The following PDE4D variants were observed in gnomAD, a reference collection of about 807,000 sequenced individuals.
The protein encoded by PDE4D is 3',5'-cyclic-AMP phosphodiesterase 4D.
In PDE4D, 24 loss-of-function variants were observed where a neutral mutation model predicts 87.4. That is an observed-to-expected ratio of 0.27 (90% confidence interval 0.20 to 0.39). The LOEUF (loss-of-function observed/expected upper bound fraction) is 0.39, where lower values mean the gene tolerates loss of function less well. Among genes scored for constraint, PDE4D ranks in the 10% least tolerant of loss-of-function variants. PDE4D has a pLI of 1.00. For missense variants in PDE4D, 714 were observed against 1,041.0 expected, an observed-to-expected ratio of 0.69 and a Z score of 4.32; for synonymous variants, 384 against 383.2, an observed-to-expected ratio of 1.00 and a Z score of -0.02.
At chr5:60,314,858 T>G (rs561414317) in intron 1 of PDE4D, among the ~76,000 whole-genome samples, 1 of 152,338 alleles carries the variant, frequency 6.6e-6, no homozygotes, top group African/African-American at 2.4e-5. Context: ...GGTGTATATG[T>G]GCCACATTTT....
chr5:59,029,428 A>AC (rs1005091816), intron 6 of PDE4D, among the ~76,000 whole-genome samples: 1 of 151,198 alleles, frequency 6.6e-6, no homozygotes, highest in Non-Finnish European at 1.5e-5. Context: ...AAAAAAAAAA[A>AC]AAAAAAAAAC....
At chr5:59,010,582 A>G (rs1359797218) in intron 6 of PDE4D, among the ~76,000 whole-genome samples, 2 of 152,080 alleles carry the variant, frequency 1.3e-5, no homozygotes, top group African/African-American at 4.8e-5. Flanking sequence ...GTCAGTCATC[A>G]TCGAATAGCG....
chr5:58,969,382 C>T lies in PDE4D; in HGVS notation c.*5282G>A, dbSNP rs1369645862. On this transcript the variant is annotated 3_prime_UTR_variant, in exon 15 of 15. Coordinates refer to ENST00000340635, the MANE Select transcript of PDE4D (RefSeq NM_001104631.2). ...TGCGGCTCCAGGCCCTGCCTACTCT[C>T]TCACTTTTCCTCAGTTTCTCCAGAT... 4 of 152,260 alleles carry T rather than the reference C, an allele frequency of 2.6e-5. No individual in the cohort carries two copies. The highest frequency in any genetic ancestry group is 9.6e-5 in the African/African-American group (4 of 41,458). 9.4% of individuals were successfully genotyped at this position (152,260 alleles called of 1,614,324 possible).
At chr5:59,508,667 AT>A (rs1293906617) in intron 1 of PDE4D, among the ~76,000 whole-genome samples, 14 of 152,228 alleles carry the variant, frequency 9.2e-5, no homozygotes, top group African/African-American at 2.9e-4. Context: ...ATAAAAAAAA[AT>A]ATTTAAGCTG....
intron 1 of PDE4D, among the ~76,000 whole-genome samples, chr5:59,559,682 T>C (rs959115455): frequency 2.0e-5 from 3 of 152,092 alleles, no homozygotes; most frequent in African/African-American, 4.8e-5. Flanking sequence ...TTTGATAAAA[T>C]ACACTTTAAA....
chr5:59,765,661 C>G (rs963511547), intron 1 of PDE4D, among the ~76,000 whole-genome samples: 1 of 152,152 alleles, frequency 6.6e-6, no homozygotes, highest in African/African-American at 2.4e-5. Context: ...GCCTGGCAAC[C>G]TTGGGAATCA....
At chr5:59,743,959 A>G (rs1234342308) in intron 1 of PDE4D, among the ~76,000 whole-genome samples, 4 of 152,156 alleles carry the variant, frequency 2.6e-5, no homozygotes. Context: ...AGACAGATCG[A>G]TAGATAGATA....
chr5:60,426,213 C>T (rs914040265), intron 1 of PDE4D, among the ~76,000 whole-genome samples: 3 of 152,158 alleles, frequency 2.0e-5, no homozygotes, highest in Non-Finnish European at 2.9e-5. Flanking sequence ...AATCATTCTA[C>T]TATAAAGACA....
intron 6 of PDE4D, among the ~76,000 whole-genome samples, chr5:59,028,621 C>T (rs1756670694): frequency 6.6e-6 from 1 of 151,910 alleles, no homozygotes; most frequent in African/African-American, 2.4e-5. Context: ...GAATCCAATT[C>T]AGGCAGGCTG....
At position 60,020,453 on chromosome 5, in the gene PDE4D, A is replaced by T. The variant is rs1765934382; in HGVS notation, c.43-31736T>A. ...ATATCTGTCAAGCACCATAAAGCAA[A>T]ACACAATAAAATGAGGCATGCCTCA... On this transcript the variant is annotated intron_variant, in intron 2 of 16. Transcript: ENST00000502484. Among the ~76,000 whole-genome samples, 9 of 152,310 alleles carry T rather than the reference A, an allele frequency of 5.9e-5. No homozygotes were observed. In the South Asian group the frequency reaches 1.9e-3, roughly 32 times the overall value.
chr5:59,813,865 G>A (rs1396075432), intron 1 of PDE4D, among the ~76,000 whole-genome samples: 5 of 152,142 alleles, frequency 3.3e-5, no homozygotes, highest in Admixed American at 1.3e-4. Context: ...GCCTCAGGGA[G>A]GCACTATAGG....
chr5:60,223,815 T>C (rs1744773805), intron 1 of PDE4D, among the ~76,000 whole-genome samples: 2 of 152,166 alleles, frequency 1.3e-5, no homozygotes, highest in South Asian at 4.1e-4. Flanking sequence ...TTTCTATTAC[T>C]ATTCTTAATT....
Position 59,769,779 on chromosome 5 carries a change from T to C in PDE4D, c.455+123389A>G, listed in dbSNP as rs6878209. Among the ~76,000 whole-genome samples the C allele has an allele frequency of 6.5e-3, 993 of 151,956 alleles. 9 individuals are homozygous for C. The highest frequency in any genetic ancestry group is 0.023 in the African/African-American group (949 of 41,414). ...TGAAATCAAATCACATCTCTAACGA[T>C]CTAGGAATATTTTATGTTTCTTAAA... On this transcript the variant is annotated intron_variant, in intron 1 of 14. Transcript: ENST00000340635.
At chr5:59,016,895 A>G (rs1754113425) in intron 6 of PDE4D, among the ~76,000 whole-genome samples, 1 of 152,154 alleles carries the variant, frequency 6.6e-6, no homozygotes, top group African/African-American at 2.4e-5. Flanking sequence ...AAAAGACAAT[A>G]AACAAGCAGA....
At chr5:59,133,054 T>C (rs1413405625) in intron 5 of PDE4D, among the ~76,000 whole-genome samples, 1 of 152,206 alleles carries the variant, frequency 6.6e-6, no homozygotes, top group African/African-American at 2.4e-5. Flanking sequence ...ACTTAGAGAA[T>C]TGAAAAATTA....
intron 1 of PDE4D, among the ~76,000 whole-genome samples, chr5:60,437,571 CT>C (rs1338685356): frequency 6.6e-6 from 1 of 152,106 alleles, no homozygotes; most frequent in Non-Finnish European, 1.5e-5. Flanking sequence ...TACTGGTAGA[CT>C]TTTCCACTGC....
intron 1 of PDE4D, among the ~76,000 whole-genome samples, chr5:59,279,873 A>T (rs528919922): frequency 2.6e-5 from 4 of 152,006 alleles, no homozygotes; most frequent in African/African-American, 9.6e-5. Flanking sequence ...AGATTAAAAA[A>T]TGCTACCAAG....
intron 5 of PDE4D, chr5:59,157,340 T>C (rs1337618165): frequency 2.8e-6 from 2 of 702,646 alleles, no homozygotes; most frequent in Non-Finnish European, 5.2e-6. Flanking sequence ...GTAACGTATA[T>C]GGGTTCAATT....
intron 1 of PDE4D, among the ~76,000 whole-genome samples, chr5:59,890,709 C>T (rs1017366199): frequency 5.3e-5 from 8 of 152,182 alleles, no homozygotes; most frequent in African/African-American, 1.7e-4. Context: ...GGGTTTCAGT[C>T]TTAGCTCTAG....
Sources: allele counts gnomAD v4.1 joint callset (sites outside exome capture counted in the v4.1 genomes callset), GRCh38; gene constraint gnomAD v4.1.1; transcripts MANE v1.5; gene names NCBI Gene and HGNC (gene_info 2026-07-23, HGNC 2026-07-21).